Variants in PLEKHA6 observed in about 807,000 individuals in gnomAD.
PLEKHA6 encodes pleckstrin homology domain containing A6, also known as pleckstrin homology domain-containing family A member 6.
PLEKHA6 carries 60 observed loss-of-function variants against 116.7 expected under a neutral mutation model. The ratio of observed to expected loss-of-function variants is 0.51; its 90% CI spans 0.42 to 0.64. The LOEUF (loss-of-function observed/expected upper bound fraction) is 0.64. Ranked by LOEUF, PLEKHA6 falls within the 30% of genes least tolerant of loss-of-function variation. The probability of loss-of-function intolerance (pLI) is 0.00; values close to 1 mark genes in which losing one functional copy is unlikely to be tolerated. For synonymous variants in PLEKHA6, 489 were observed against 556.1 expected (o/e 0.88, Z 1.70); for missense variants, 1,338 against 1,422.7 (o/e 0.94, Z 0.96).
chr1:204,293,866 A>C (rs542998468), intron 1 of PLEKHA6, among the ~76,000 whole-genome samples: 1 of 152,338 alleles, frequency 6.6e-6, no homozygotes, highest in South Asian at 2.1e-4. Flanking sequence ...CAATGCATGA[A>C]CATGGAGAAA....
intron 9 of PLEKHA6, among the ~76,000 whole-genome samples, chr1:204,254,941 A>C (rs974367330): frequency 1.3e-5 from 2 of 152,184 alleles, no homozygotes; most frequent in Non-Finnish European, 2.9e-5. Flanking sequence ...CTTAAAAGAC[A>C]AGAAAGGGTT....
chr1:204,255,663 A>C, intron 9 of PLEKHA6: 2 of 703,026 alleles, frequency 2.8e-6, no homozygotes, highest in South Asian at 3.0e-5. Context: ...TTGCAACTGA[A>C]GATCTAAAAG....
At chr1:204,303,395 A>C (rs1410239224) in intron 1 of PLEKHA6, among the ~76,000 whole-genome samples, 1 of 152,156 alleles carries the variant, frequency 6.6e-6, no homozygotes, top group African/African-American at 2.4e-5. Context: ...AAAAATCAGA[A>C]AGTTTTCTTA....
intron 1 of PLEKHA6, among the ~76,000 whole-genome samples, chr1:204,285,335 C>G (rs1669035056): frequency 6.6e-6 from 1 of 152,196 alleles, no homozygotes; most frequent in African/African-American, 2.4e-5. Flanking sequence ...AAAGGAAAAT[C>G]TGCTGTCAAC....
intron 1 of PLEKHA6, among the ~76,000 whole-genome samples, chr1:204,322,388 G>A (rs1345544374): frequency 6.6e-6 from 1 of 152,166 alleles, no homozygotes; most frequent in African/African-American, 2.4e-5. Flanking sequence ...CATCCTTCTG[G>A]AAGTTCTCTG....
intron 1 of PLEKHA6, among the ~76,000 whole-genome samples, chr1:204,328,054 AT>A (rs376858894): frequency 3.8e-5 from 1 of 26,608 alleles, no homozygotes; most frequent in African/African-American, 6.3e-5. Context: ...TATTTTATTT[AT>A]TTATTTATTT....
At chr1:204,295,165 A>C (rs1284522773) in intron 1 of PLEKHA6, among the ~76,000 whole-genome samples, 1 of 152,168 alleles carries the variant, frequency 6.6e-6, no homozygotes, top group Non-Finnish European at 1.5e-5. Flanking sequence ...CTAAGGGTCA[A>C]CATTACTGGA....
chr1:204,302,971 A>G (rs982826798), intron 1 of PLEKHA6, among the ~76,000 whole-genome samples: 4 of 152,202 alleles, frequency 2.6e-5, no homozygotes, highest in Admixed American at 6.5e-5. Flanking sequence ...TGAAGCACGG[A>G]GGGGTCTAAC....
chr1:204,230,501 T>A lies in PLEKHA6; in HGVS notation c.2495A>T (p.Gln832Leu). ...EEQIDRMRRH[Q>L]SGSMREKRRS... ...CCGCTTCTCCCTCATGGAGCCACTC[T>A]GGTGCCGCCGCATTCGGTCAATCTG... The change falls in exon 18 of 23, where the codon CAG (glutamine) becomes CTG (leucine). Residue 832 changes from glutamine (Q) to leucine (L), a missense_variant. By Grantham distance (113) the Gln-to-Leu change is moderately radical (BLOSUM62 -2). Around this residue, in one of 3 missense-constraint regions of PLEKHA6, gnomAD observed 1,136 missense variants for 1,163.6 expected, o/e 0.98. Coordinates refer to ENST00000272203, the MANE Select transcript of PLEKHA6 (RefSeq NM_014935.5). 1 of 1,588,026 alleles carries A rather than the reference T, an allele frequency of 6.3e-7. No individual in the cohort carries two copies. The highest frequency in any genetic ancestry group is 8.6e-7 in the Non-Finnish European group (1 of 1,167,112).
intron 1 of PLEKHA6, among the ~76,000 whole-genome samples, chr1:204,276,637 G>GAC (rs10567692): frequency 0.051 from 6,938 of 136,838 alleles, 194 homozygotes; most frequent in Middle Eastern, 0.08. Flanking sequence ...CACTGGCACA[G>GAC]ACACACACAC....
chr1:204,290,773 T>G (rs1669667240), intron 1 of PLEKHA6, among the ~76,000 whole-genome samples: 1 of 152,092 alleles, frequency 6.6e-6, no homozygotes, highest in Admixed American at 6.5e-5. Context: ...GGAGATCACT[T>G]GAGGTCAGGA....
chr1:204,291,828 T>C (rs546681090), intron 1 of PLEKHA6, among the ~76,000 whole-genome samples: 1 of 152,326 alleles, frequency 6.6e-6, no homozygotes, highest in Non-Finnish European at 1.5e-5. Flanking sequence ...GTGATGGATA[T>C]ATGTTAATTA....
chr1:204,298,427 G>T (rs1319345237), intron 1 of PLEKHA6, among the ~76,000 whole-genome samples: 1 of 152,220 alleles, frequency 6.6e-6, no homozygotes, highest in East Asian at 1.9e-4. Flanking sequence ...AGTGGTACCT[G>T]AGGAGGGGTC....
chr1:204,357,479 C>G (rs1473648769), intron 1 of PLEKHA6, among the ~76,000 whole-genome samples: 1 of 152,150 alleles, frequency 6.6e-6, no homozygotes, highest in Non-Finnish European at 1.5e-5. Context: ...TTTTTTTCCT[C>G]TCTGAATGTG....
chr1:204,336,639 C>CT (rs1672658977), intron 1 of PLEKHA6, among the ~76,000 whole-genome samples: 1 of 152,194 alleles, frequency 6.6e-6, no homozygotes, highest in Non-Finnish European at 1.5e-5. Context: ...ACTAGGCCAA[C>CT]TTGCATACTG....
intron 1 of PLEKHA6, among the ~76,000 whole-genome samples, chr1:204,302,051 G>A (rs1029164944): frequency 6.6e-6 from 1 of 152,190 alleles, no homozygotes; most frequent in African/African-American, 2.4e-5. Flanking sequence ...GAAAGAGGTT[G>A]TGGATGCTTC....
rs529150349 is a variant in PLEKHA6, at chr1:204,228,011, G to A, written c.3031+72C>T. On this transcript the variant is annotated intron_variant, in intron 21 of 22. Transcript: ENST00000272203. This position sits in a 1 kb window ranked among gnomAD's most constrained non-coding sequence, Gnocchi z 4.0. Reference sequence around the variant, plus strand: ...TTGCTACTGCCCCCCTTGTAGCAGTGCCACGCTTCCTCCCTTAAACCTGGT... The same window carrying A: ...TTGCTACTGCCCCCCTTGTAGCAGTACCACGCTTCCTCCCTTAAACCTGGT... 5.1e-5 allele frequency: 76 copies of A among 1,489,724 alleles called. No individual in the cohort carries two copies. In the African/African-American group the frequency reaches 1.0e-3, roughly 20 times the overall value. 92.3% of individuals were successfully genotyped at this position (1,489,724 alleles called of 1,614,324 possible). A position where few individuals can be genotyped will look rare whatever the true frequency, so the allele number is the denominator to read the frequency against.
chr1:204,295,831 G>A (rs2103054808), intron 1 of PLEKHA6, among the ~76,000 whole-genome samples: 1 of 152,256 alleles, frequency 6.6e-6, no homozygotes, highest in East Asian at 1.9e-4. Flanking sequence ...AGGGCAGGGT[G>A]GCCAAAGGTC....
intron 1 of PLEKHA6, among the ~76,000 whole-genome samples, chr1:204,339,655 T>A (rs140486791): frequency 6.6e-6 from 1 of 152,300 alleles, no homozygotes; most frequent in Non-Finnish European, 1.5e-5. Context: ...AATCAGTACA[T>A]GTAAAGACAT....
Sources: allele counts gnomAD v4.1 joint callset (sites outside exome capture counted in the v4.1 genomes callset), GRCh38; gene constraint gnomAD v4.1.1; regional missense constraint gnomAD v4.1.1; non-coding constraint Gnocchi (gnomAD v3.1); transcripts MANE v1.5; gene names NCBI Gene and HGNC (gene_info 2026-07-23, HGNC 2026-07-21).